SSBP2: variants seen among roughly 807,000 people sequenced by gnomAD.
SSBP2 encodes the protein single stranded DNA binding protein 2.
SSBP2 carries 17 observed loss-of-function variants against 61.8 expected under a neutral mutation model. The observed-to-expected ratio is 0.28, with a 90% CI of 0.19 to 0.41. The LOEUF (loss-of-function observed/expected upper bound fraction) is 0.41, where lower values mean the gene tolerates loss of function less well. Ranked by LOEUF, SSBP2 falls within the 10% of genes least tolerant of loss-of-function variation. The probability of loss-of-function intolerance (pLI) is 1.00; values close to 1 mark genes in which losing one functional copy is unlikely to be tolerated. For synonymous variants in SSBP2, 139 were observed against 141.3 expected, an observed-to-expected ratio of 0.98 and a Z score of 0.12; for missense variants, 310 against 458.7, an observed-to-expected ratio of 0.68 and a Z score of 2.96.
chr5:81,747,491 C>A lies in SSBP2; in HGVS notation c.62+3490G>T, dbSNP rs1461980739. 3.9e-5 allele frequency among the ~76,000 whole-genome samples: 6 copies of A among 152,154 alleles called. 1 individual carries two copies. In the South Asian group the frequency reaches 1.2e-3, roughly 32 times the overall value. On this transcript the variant is annotated intron_variant, in intron 1 of 16. Coordinates refer to ENST00000320672, the MANE Select transcript of SSBP2 (RefSeq NM_012446.5). ...AACACTGAACATAGTGACTGGCACA[C>A]AGGATGGCAAATAAATAATAGTTAT...
intron 1 of SSBP2, among the ~76,000 whole-genome samples, chr5:81,673,743 G>C (rs912222924): frequency 6.6e-6 from 1 of 152,140 alleles, no homozygotes; most frequent in Non-Finnish European, 1.5e-5. Flanking sequence ...TAGAGGGCTT[G>C]GTCTTATTTC....
chr5:81,487,531 T>C (rs1046031250), intron 6 of SSBP2, among the ~76,000 whole-genome samples: 3 of 152,132 alleles, frequency 2.0e-5, no homozygotes, highest in African/African-American at 7.2e-5. Context: ...AGCCATGATA[T>C]TGAAACCATA....
At chr5:81,607,404 T>C (rs1744989979) in intron 4 of SSBP2, among the ~76,000 whole-genome samples, 1 of 152,164 alleles carries the variant, frequency 6.6e-6, no homozygotes, top group Non-Finnish European at 1.5e-5. Flanking sequence ...TTTCATCAAA[T>C]ATTTATTGAG....
intron 3 of SSBP2, among the ~76,000 whole-genome samples, chr5:81,632,464 A>AT (rs932863805): frequency 6.6e-6 from 1 of 152,230 alleles, no homozygotes; most frequent in Non-Finnish European, 1.5e-5. Flanking sequence ...CCCTATGCAT[A>AT]TATTCCAGAT....
At chr5:81,674,647 A>G (rs1188166118) in intron 1 of SSBP2, among the ~76,000 whole-genome samples, 1 of 152,180 alleles carries the variant, frequency 6.6e-6, no homozygotes, top group Non-Finnish European at 1.5e-5. Context: ...AGAGCAGATA[A>G]TTTCTACATT....
intron 5 of SSBP2, among the ~76,000 whole-genome samples, chr5:81,510,508 A>T (rs778980681): frequency 2.6e-5 from 4 of 152,184 alleles, no homozygotes; most frequent in Non-Finnish European, 5.9e-5. Context: ...CACGCTTGTA[A>T]TCCCAGCACT....
At chr5:81,473,857 G>T in intron 7 of SSBP2, 87 bp from the exon 8 acceptor site, 2 of 1,231,084 alleles carry the variant, frequency 1.6e-6, no homozygotes, top group Non-Finnish European at 1.2e-6. Context: ...GGGTGTTACT[G>T]TCTCATTTAC....
rs764166267 is a variant in SSBP2 at position 81,486,546 on chromosome 5, TATATAA to T, written c.432+2698_432+2703del. 7.9e-5 allele frequency among the ~76,000 whole-genome samples: 12 copies of T among 152,254 alleles called. No homozygotes were observed. The South Asian group carries it at 2.1e-3, about 26-fold the overall frequency. On this transcript the variant is annotated intron_variant, in intron 6 of 16. Coordinates refer to ENST00000320672, the MANE Select transcript of SSBP2 (RefSeq NM_012446.5). ...CAGATATTTAGGCGCTTCCTAGACT[TATATAA>T]TATACAAAGCTATGGACGGAATGTC...
At chr5:81,622,452 C>T (rs1047696280) in intron 3 of SSBP2, among the ~76,000 whole-genome samples, 8 of 152,296 alleles carry the variant, frequency 5.3e-5, no homozygotes, top group African/African-American at 1.9e-4. Context: ...ATATCTGAGA[C>T]AGAGCCAGAC....
At chr5:81,447,784 T>C (rs1398869002) in intron 11 of SSBP2, 4 of 152,216 alleles carry the variant, frequency 2.6e-5, no homozygotes, top group East Asian at 1.9e-4. Flanking sequence ...TATAATTTCA[T>C]AAAATGATAT....
At chr5:81,529,508 T>C (rs1050373445) in intron 4 of SSBP2, among the ~76,000 whole-genome samples, 1 of 152,142 alleles carries the variant, frequency 6.6e-6, no homozygotes, top group South Asian at 2.1e-4. Flanking sequence ...TCATATTACC[T>C]GGGAGACTAG....
chr5:81,568,309 T>C (rs150025469), intron 4 of SSBP2, among the ~76,000 whole-genome samples: 22 of 152,300 alleles, frequency 1.4e-4, no homozygotes, highest in South Asian at 1.2e-3. Flanking sequence ...AGAGATCTGA[T>C]GGTTTTATCA....
chr5:81,602,492 T>C (rs1744462202), intron 4 of SSBP2, among the ~76,000 whole-genome samples: 5 of 152,102 alleles, frequency 3.3e-5, no homozygotes. Context: ...CTAAAGATAC[T>C]TGGATGGCCT....
intron 1 of SSBP2, among the ~76,000 whole-genome samples, chr5:81,656,992 A>G (rs1038903727): frequency 6.6e-6 from 1 of 152,080 alleles, no homozygotes; most frequent in Non-Finnish European, 1.5e-5. Flanking sequence ...GGAACAAGTC[A>G]CTCCCATGCT....
chr5:81,665,083 C>T (rs1750996275), intron 1 of SSBP2, among the ~76,000 whole-genome samples: 2 of 152,122 alleles, frequency 1.3e-5, no homozygotes, highest in Non-Finnish European at 2.9e-5. Flanking sequence ...ATAGTTTTCT[C>T]TACTTCTGTA....
intron 1 of SSBP2, among the ~76,000 whole-genome samples, chr5:81,727,094 C>T (rs1164913023): frequency 2.0e-5 from 3 of 152,088 alleles, no homozygotes; most frequent in Non-Finnish European, 4.4e-5. Flanking sequence ...AAAATAGTGC[C>T]GACTTTAGTT....
chr5:81,450,531 T>G (rs1302286497), intron 10 of SSBP2, among the ~76,000 whole-genome samples: 1 of 152,220 alleles, frequency 6.6e-6, no homozygotes, highest in Non-Finnish European at 1.5e-5. Flanking sequence ...CGCCTTGCTT[T>G]ACTTTACAAT....
At chr5:81,465,168 A>G (rs1366695162) in intron 9 of SSBP2, among the ~76,000 whole-genome samples, 3 of 152,066 alleles carry the variant, frequency 2.0e-5, no homozygotes, top group Non-Finnish European at 4.4e-5. Context: ...AAAAGAAAAC[A>G]GTAACAAAAA....
At chr5:81,641,649 CAAG>C (rs1748795755) in intron 2 of SSBP2, among the ~76,000 whole-genome samples, 1 of 152,056 alleles carries the variant, frequency 6.6e-6, no homozygotes, top group Non-Finnish European at 1.5e-5. Flanking sequence ...AAATGGTGCT[CAAG>C]AAGAGCCAAA....
Sources: gnomAD v4.1 joint callset for allele counts (sites outside exome capture counted in the v4.1 genomes callset) on GRCh38, gnomAD v4.1.1 for gene constraint, MANE v1.5 for transcripts, NCBI Gene and HGNC (gene_info 2026-07-23, HGNC 2026-07-21) for gene names.